Variants in JMY observed in about 807,000 individuals in gnomAD.
JMY encodes the protein junction mediating and regulatory protein, p53 cofactor, also known as junction-mediating and -regulatory protein.
Under a neutral mutation model 103.3 loss-of-function variants are expected in JMY, and 46 were observed. The ratio of observed to expected loss-of-function variants is 0.45; its 90% CI spans 0.35 to 0.57. The LOEUF is 0.57. JMY is among the 20% of genes least tolerant of loss of function. The pLI is 0.00. For missense variants in JMY, 1,238 were observed against 1,255.2 expected (o/e 0.99, Z 0.21); for synonymous variants, 526 against 489.3 (o/e 1.07, Z -0.99).
intron 1 of JMY, among the ~76,000 whole-genome samples, chr5:79,255,745 A>G (rs1745221499): frequency 6.6e-6 from 1 of 152,234 alleles, no homozygotes; most frequent in African/African-American, 2.4e-5. Flanking sequence ...TTACCAGGCA[A>G]AGACTCTTGT....
rs115838406 is a variant in JMY at position 79,277,308 on chromosome 5, A to G, written c.1033-602A>G. ...TTTATTGGAAATGTTCCAGATTTGG[A>G]TGGTTTTCATTCTACTAGATAGCAG... On this transcript the variant is annotated intron_variant, in intron 1 of 10. Coordinates refer to ENST00000396137, the MANE Select transcript of JMY (RefSeq NM_152405.5). Among the ~76,000 whole-genome samples, 700 of 151,910 alleles carry G rather than the reference A, an allele frequency of 4.6e-3. 6 individuals are homozygous for G. The highest frequency in any genetic ancestry group is 0.016 in the African/African-American group (671 of 41,416).
intron 2 of JMY, among the ~76,000 whole-genome samples, chr5:79,283,031 T>A (rs1245847630): frequency 6.6e-6 from 1 of 151,066 alleles, no homozygotes; most frequent in Non-Finnish European, 1.5e-5. Context: ...AGTTTCACTC[T>A]TGTTGCCCAG....
intron 8 of JMY, 128 bp from the exon 9 acceptor site, chr5:79,314,129 G>T: frequency 6.9e-7 from 1 of 1,444,466 alleles, no homozygotes; most frequent in Non-Finnish European, 9.1e-7. Context: ...AAAGTGCTGG[G>T]ATTACAGGCG....
At chr5:79,297,578 A>G (rs1178538015) in intron 4 of JMY, among the ~76,000 whole-genome samples, 1 of 152,122 alleles carries the variant, frequency 6.6e-6, no homozygotes, top group Non-Finnish European at 1.5e-5. Flanking sequence ...GATTAGATAG[A>G]CCTCAGAGTA....
chr5:79,255,794 T>C (rs139806988), intron 1 of JMY, among the ~76,000 whole-genome samples: 74 of 152,352 alleles, frequency 4.9e-4, no homozygotes, highest in African/African-American at 1.7e-3. Flanking sequence ...AGAGTTTCTC[T>C]CTCTGTTCTG....
intron 1 of JMY, among the ~76,000 whole-genome samples, chr5:79,247,577 A>G (rs1744939878): frequency 1.3e-5 from 2 of 152,122 alleles, no homozygotes; most frequent in Admixed American, 1.3e-4. Flanking sequence ...TCAGTCTCCT[A>G]AAGTATTGGG....
chr5:79,252,230 A>G (rs150277917), intron 1 of JMY, among the ~76,000 whole-genome samples: 141 of 152,130 alleles, frequency 9.3e-4, no homozygotes, highest in African/African-American at 3.3e-3. Context: ...CTGGTCATTC[A>G]GGAGCATATT....
chr5:79,237,287 C>G lies in JMY; in HGVS notation c.637C>G (p.Gln213Glu). The change falls in exon 1 of 11, where the codon CAG becomes GAG. Residue 213 changes from glutamine (Q) to glutamate (E), a missense_variant. Physicochemically the swap from Gln to Glu is conservative, Grantham distance 29. Transcript: ENST00000396137. ...ACCTCTGGCGCTCTCGGACGCGGAGCAGCCGCCGCCCGCCACCGAGCTGGA... is the reference window on the plus strand; with the variant it reads ...ACCTCTGGCGCTCTCGGACGCGGAGGAGCCGCCGCCCGCCACCGAGCTGGA... The part of the protein sequence containing the change: ...EAPLALSDAE[Q>E]PPPATELESP... The G allele has an allele frequency of 6.4e-7, 1 of 1,555,114 alleles. No homozygotes were observed. Among genetic ancestry groups the G allele is most frequent in the Non-Finnish European group, 8.7e-7 (1 of 1,149,468 alleles).
At chr5:79,306,177 T>A (rs1465329229) in intron 6 of JMY, among the ~76,000 whole-genome samples, 198 bp from the exon 7 acceptor site, 1 of 152,150 alleles carries the variant, frequency 6.6e-6, no homozygotes, top group Non-Finnish European at 1.5e-5. Flanking sequence ...AAGTTAATAG[T>A]TTCATAGAGG....
rs571200044 is a variant in JMY, at chr5:79,282,790, G to A, written c.1206+4707G>A. ...CCATTGATGGTTGCCAGAAAGTAGC[G>A]TGGTTGGGATTGAACACGTGTTTGA... On this transcript the variant is annotated intron_variant, in intron 2 of 10. Transcript: ENST00000396137. Among the ~76,000 whole-genome samples the A allele has an allele frequency of 5.3e-4, 81 of 152,220 alleles. 1 individual carries two copies. The South Asian group carries it at 0.015, about 29-fold the overall frequency.
chr5:79,277,476 A>G (rs547029716), intron 1 of JMY, among the ~76,000 whole-genome samples: 2 of 146,938 alleles, frequency 1.4e-5, no homozygotes, highest in East Asian at 1.9e-4. Context: ...AAAAAAAAAA[A>G]TATATACAAT....
intron 1 of JMY, among the ~76,000 whole-genome samples, chr5:79,257,785 G>A (rs187350110): frequency 2.0e-5 from 3 of 151,586 alleles, no homozygotes; most frequent in East Asian, 1.9e-4. Context: ...TTTTGGAGAC[G>A]GAGTCTTACT....
chr5:79,268,903 G>T (rs952282088), intron 1 of JMY, among the ~76,000 whole-genome samples: 3 of 152,038 alleles, frequency 2.0e-5, no homozygotes, highest in Admixed American at 2.0e-4. Context: ...TATACTTTTG[G>T]TAACAGTCTT....
chr5:79,282,743 G>A (rs752306939), intron 2 of JMY, among the ~76,000 whole-genome samples: 1 of 152,156 alleles, frequency 6.6e-6, no homozygotes, highest in Non-Finnish European at 1.5e-5. Context: ...TAACTTAATT[G>A]AATCTTCACA....
At chr5:79,278,157 A>C (rs11960214) in intron 2 of JMY, 74 bp downstream of exon 2, 2 of 1,035,486 alleles carry the variant, frequency 1.9e-6, no homozygotes, top group Non-Finnish European at 2.7e-6. Flanking sequence ...TGCGTTATCC[A>C]CAAGAGGAAC....
intron 1 of JMY, among the ~76,000 whole-genome samples, chr5:79,270,807 C>T (rs1194588427): frequency 1.3e-5 from 2 of 150,320 alleles, no homozygotes; most frequent in Non-Finnish European, 3.0e-5. Context: ...GTTTTCCATT[C>T]CTAGTTTGCT....
intron 1 of JMY, among the ~76,000 whole-genome samples, chr5:79,240,367 C>G (rs72764990): frequency 0.3 from 44,986 of 150,260 alleles, 7,731 homozygotes; most frequent in South Asian, 0.46. Flanking sequence ...CTGGACTGTA[C>G]TGGTGCAATC....
intron 1 of JMY, among the ~76,000 whole-genome samples, chr5:79,241,987 G>A (rs1744756245): frequency 6.6e-6 from 1 of 152,110 alleles, no homozygotes; most frequent in African/African-American, 2.4e-5. Flanking sequence ...ATAAATAATG[G>A]TTTCTGTATA....
chr5:79,321,381 CA>C (rs1561319794), intron 10 of JMY, among the ~76,000 whole-genome samples: 1 of 152,122 alleles, frequency 6.6e-6, no homozygotes, highest in African/African-American at 2.4e-5. Context: ...ATATAGTTTT[CA>C]TACAGTGTTA....
Sources: allele counts gnomAD v4.1 joint callset (sites outside exome capture counted in the v4.1 genomes callset), GRCh38; gene constraint gnomAD v4.1.1; transcripts MANE v1.5; gene names NCBI Gene and HGNC (gene_info 2026-07-23, HGNC 2026-07-21).